MTMR10: variants seen among roughly 807,000 people sequenced by gnomAD.
MTMR10 encodes the protein myotubularin related protein 10, also known as myotubularin-related protein 10.
A neutral mutation model predicts 88.1 loss-of-function variants in MTMR10; 56 were observed. The ratio of observed to expected loss-of-function variants is 0.64; its 90% confidence interval spans 0.51 to 0.79. The LOEUF (loss-of-function observed/expected upper bound fraction) is 0.79. Ranked by LOEUF, MTMR10 falls within the 30% of genes least tolerant of loss-of-function variation. The pLI is 0.00. For missense variants in MTMR10, 883 were observed against 924.7 expected (o/e 0.95, Z 0.58); for synonymous variants, 380 against 340.9 (o/e 1.11, Z -1.26).
intron 2 of MTMR10, among the ~76,000 whole-genome samples, chr15:30,987,686 T>A (rs7175256): frequency 0.3 from 44,902 of 151,966 alleles, 7,596 homozygotes; most frequent in African/African-American, 0.48. Context: ...AATTCTTTTT[T>A]TTTTTATTTT....
At chr15:30,920,639 C>T in the MTMR10 span, 1 of 1,605,602 alleles carries the variant, frequency 6.2e-7, no homozygotes, top group East Asian at 2.2e-5. Context: ...ACTGCAGAGA[C>T]TTCACATGTA....
At chr15:30,927,769 G>A in the MTMR10 span, 63 of 985,852 alleles carry the variant, frequency 6.4e-5, no homozygotes, top group African/African-American at 8.5e-4. Flanking sequence ...AGAGAAGTAC[G>A]GACTTGGAGG....
rs2063366501 is a variant in MTMR10 at position 30,959,128 on chromosome 15, G to A, written c.759-7C>T. ...TACAATGTATTCTGGAAGGCTGGAG[G>A]GGAAAAAAAAAATTATATGAGTGCT... On this transcript the variant is annotated splice_polypyrimidine_tract_variant and splice_region_variant and intron_variant, in intron 7 of 15. Transcript: ENST00000435680. 1 of 1,546,256 alleles carries A rather than the reference G, an allele frequency of 6.5e-7. No homozygotes were observed. The highest frequency in any genetic ancestry group is 8.7e-7 in the Non-Finnish European group (1 of 1,146,634).
chr15:30,941,634 G>T lies in MTMR10; in HGVS notation c.2170C>A (p.His724Asn), dbSNP rs753503915. The T allele has an allele frequency of 1.9e-6, 3 of 1,608,044 alleles. No homozygotes were observed. Among genetic ancestry groups the T allele is most frequent in the Non-Finnish European group, 2.5e-6 (3 of 1,177,096 alleles). The change falls in exon 16 of 16, where the codon CAC (histidine) becomes AAC (asparagine). Residue 724 changes from histidine (H) to asparagine (N), a missense_variant. This residue lies in a region of MTMR10 where 343 missense variants were observed against 323.2 expected (regional missense o/e 1.06). Coordinates refer to ENST00000435680, the MANE Select transcript of MTMR10 (RefSeq NM_017762.3). Reference sequence around the variant, plus strand: ...GGTGTCCCCGAGGTGTCGGTGTGGTGAGGGCCGCTGGCGTTGAAGTACATC... The same window carrying T: ...GGTGTCCCCGAGGTGTCGGTGTGGTTAGGGCCGCTGGCGTTGAAGTACATC... Reference protein sequence around the residue: ...SRMYFNASGPHHTDTSGTPEF... With the variant: ...SRMYFNASGPNHTDTSGTPEF...
chr15:30,920,393 AG>A, the MTMR10 span: 2 of 594,396 alleles, frequency 3.4e-6, no homozygotes, highest in Non-Finnish European at 2.9e-6. Flanking sequence ...GTGAGAATGT[AG>A]GTTTGTGGTG....
intron 9 of MTMR10, 60 bp downstream of exon 9, chr15:30,958,803 T>C: frequency 6.5e-7 from 1 of 1,539,546 alleles, no homozygotes; most frequent in Non-Finnish European, 9.0e-7. Flanking sequence ...AGTAGGGAAC[T>C]CACTGTAGTT....
chr15:30,923,084 A>AT, the MTMR10 span, among the ~76,000 whole-genome samples: 1 of 151,956 alleles, frequency 6.6e-6, no homozygotes, highest in South Asian at 2.1e-4. Context: ...GGAGCTTTTG[A>AT]TTTTTTCAGT....
At chr15:30,928,678 A>G in the MTMR10 span, 2 of 1,613,474 alleles carry the variant, frequency 1.2e-6, no homozygotes, top group Admixed American at 1.7e-5. Context: ...CCCCTGCCCC[A>G]CGAGTAGGTC....
At chr15:30,936,156 C>T (rs1368601862), downstream of MTMR10, among the ~76,000 whole-genome samples, 3 of 151,920 alleles carry the variant, frequency 2.0e-5, no homozygotes, top group East Asian at 1.9e-4. Flanking sequence ...GTGTAGTGAA[C>T]AAAACACACA....
At chr15:30,933,442 TCTG>T in the MTMR10 span, among the ~76,000 whole-genome samples, 2 of 152,252 alleles carry the variant, frequency 1.3e-5, no homozygotes, top group Non-Finnish European at 2.9e-5. Context: ...CAGGTATCTT[TCTG>T]CTATTGATTT....
chr15:30,924,424 G>A, the MTMR10 span, among the ~76,000 whole-genome samples: 5 of 152,162 alleles, frequency 3.3e-5, no homozygotes, highest in Non-Finnish European at 7.4e-5. Flanking sequence ...TTTTCACAGT[G>A]TTTACACCAG....
intron 6 of MTMR10, among the ~76,000 whole-genome samples, chr15:30,964,408 G>A (rs2959048): frequency 0.99 from 151,249 of 152,366 alleles, 75,077 homozygotes; most frequent in Middle Eastern, 1. Flanking sequence ...TTTTCTAAAC[G>A]TAAAATGAGA....
the MTMR10 span, chr15:30,920,669 C>A: frequency 6.9e-7 from 1 of 1,454,868 alleles, no homozygotes. Context: ...AGCACAGGTC[C>A]CTGCCCCCCA....
chr15:30,957,069 A>G (rs2063337596), intron 9 of MTMR10, among the ~76,000 whole-genome samples: 1 of 152,288 alleles, frequency 6.6e-6, no homozygotes, highest in Non-Finnish European at 1.5e-5. Flanking sequence ...GGTACAGTGG[A>G]AAAACCCTAC....
the MTMR10 span, among the ~76,000 whole-genome samples, chr15:30,929,860 ATAAT>A: frequency 1.3e-5 from 1 of 78,508 alleles, no homozygotes; most frequent in African/African-American, 6.3e-5. Flanking sequence ...TATATCATAT[ATAAT>A]ATATATAAAA....
At chr15:30,987,778 C>G (rs1410137758) in intron 2 of MTMR10, among the ~76,000 whole-genome samples, 3 of 151,698 alleles carry the variant, frequency 2.0e-5, no homozygotes, top group African/African-American at 7.3e-5. Context: ...TTTGCTGCAC[C>G]CATCAACCCC....
intron 14 of MTMR10, chr15:30,944,121 C>G (rs2063131055): frequency 2.8e-5 from 18 of 647,842 alleles, no homozygotes; most frequent in Non-Finnish European, 3.4e-5. Context: ...ATGACTACAT[C>G]ACAGCCAGGT....
At chr15:30,929,491 TATATGTAAATACATGTATGTGTGTGC>T in the MTMR10 span, 1 of 798,700 alleles carries the variant, frequency 1.3e-6, no homozygotes, top group Non-Finnish European at 2.0e-6. Flanking sequence ...CACATGTGTG[TATATGTAAATACATGTATGTGTGTGC>T]ATATATATGA....
At chr15:30,979,926 T>C (rs773877687) in intron 2 of MTMR10, among the ~76,000 whole-genome samples, 1 of 152,262 alleles carries the variant, frequency 6.6e-6, no homozygotes, top group Non-Finnish European at 1.5e-5. Context: ...GCCATACTCA[T>C]TTGTTCATGT....
Sources: gnomAD v4.1 joint callset for allele counts (sites outside exome capture counted in the v4.1 genomes callset) on GRCh38, gnomAD v4.1.1 for gene constraint, gnomAD v4.1.1 regional missense constraint, MANE v1.5 for transcripts, NCBI Gene and HGNC (gene_info 2026-07-23, HGNC 2026-07-21) for gene names.